The following ADGRL3 variants were observed in gnomAD, a reference collection of about 807,000 sequenced individuals.
The protein encoded by ADGRL3 is adhesion G protein-coupled receptor L3, also known as calcium-independent alpha-latrotoxin receptor 3.
A neutral mutation model predicts 153.5 loss-of-function variants in ADGRL3; 62 were observed. The ratio of observed to expected loss-of-function variants is 0.40; its 90% CI spans 0.33 to 0.50. ADGRL3 has a LOEUF of 0.50. Among genes scored for constraint, ADGRL3 ranks in the 20% least tolerant of loss-of-function variants. The probability of loss-of-function intolerance (pLI) is 0.47; values close to 1 mark genes in which losing one functional copy is unlikely to be tolerated. For synonymous variants in ADGRL3, 710 were observed against 672.5 expected, an observed-to-expected ratio of 1.06 and a Z score of -0.86; for missense variants, 1,641 against 1,859.4, an observed-to-expected ratio of 0.88 and a Z score of 2.16.
intron 21 of ADGRL3, among the ~76,000 whole-genome samples, chr4:62,013,597 C>T (rs2099197211): frequency 6.6e-6 from 1 of 151,472 alleles, no homozygotes; most frequent in Non-Finnish European, 1.5e-5. Context: ...TTTAACATGT[C>T]TTCAAAAAAC....
intron 25 of ADGRL3, among the ~76,000 whole-genome samples, chr4:62,059,086 G>T (rs748032300): frequency 5.9e-5 from 9 of 152,150 alleles, no homozygotes; most frequent in Non-Finnish European, 1.2e-4. Context: ...AGTGAATGTG[G>T]ACTGTAGGAA....
At chr4:61,677,974 A>T (rs562815233) in intron 6 of ADGRL3, among the ~76,000 whole-genome samples, 1 of 152,188 alleles carries the variant, frequency 6.6e-6, no homozygotes, top group South Asian at 2.1e-4. Flanking sequence ...AGCTTCATTT[A>T]TAGAATGAAT....
chr4:61,586,731 C>T (rs1285449135), intron 4 of ADGRL3, among the ~76,000 whole-genome samples: 1 of 152,020 alleles, frequency 6.6e-6, no homozygotes, highest in African/African-American at 2.4e-5. Flanking sequence ...ATTAGTTCTA[C>T]AGTGAACTCA....
chr4:62,007,121 G>A (rs934621142), intron 21 of ADGRL3, among the ~76,000 whole-genome samples: 1 of 151,494 alleles, frequency 6.6e-6, no homozygotes, highest in Non-Finnish European at 1.5e-5. Context: ...GCATTGAAAA[G>A]CAGGAAAGAA....
At chr4:61,450,252 C>T (rs2097657849) in intron 2 of ADGRL3, among the ~76,000 whole-genome samples, 1 of 152,106 alleles carries the variant, frequency 6.6e-6, no homozygotes, top group Non-Finnish European at 1.5e-5. Flanking sequence ...CTGTTAATTT[C>T]ACTATAGTTT....
intron 5 of ADGRL3, among the ~76,000 whole-genome samples, chr4:61,602,087 G>A (rs951706179): frequency 3.9e-5 from 4 of 103,672 alleles, no homozygotes; most frequent in Non-Finnish European, 7.3e-5. Context: ...ATAAATAAAC[G>A]CTTGATCCAT....
At chr4:61,918,111 C>T (rs773014734) in intron 13 of ADGRL3, among the ~76,000 whole-genome samples, 19 of 152,034 alleles carry the variant, frequency 1.2e-4, no homozygotes, top group South Asian at 1.0e-3. Flanking sequence ...CATATTAGTG[C>T]GGGATACTGA....
rs573517841 is a variant in ADGRL3, at chr4:61,895,239, G to A, written c.1784-492G>A. On this transcript the variant is annotated intron_variant, in intron 10 of 26. Coordinates refer to ENST00000683033, the MANE Select transcript of ADGRL3 (RefSeq NM_001387552.1). ...TCCCAGCACTTTGCGAGGCCAAGGC[G>A]GGCAGATCACGAGGTCAGGAGTTTG... is the stretch of plus-strand genomic sequence containing the variant. Among the ~76,000 whole-genome samples the A allele has an allele frequency of 6.8e-4, 104 of 152,202 alleles. 1 individual carries two copies. The highest frequency in any genetic ancestry group is 3.7e-4 in the Non-Finnish European group (25 of 68,016).
chr4:61,791,755 G>A (rs1028016669), intron 8 of ADGRL3, among the ~76,000 whole-genome samples: 1 of 152,206 alleles, frequency 6.6e-6, no homozygotes, highest in Non-Finnish European at 1.5e-5. Flanking sequence ...CTAGGTGGAG[G>A]TTCTCAAACC....
chr4:61,234,339 G>A (rs573880032), intron 1 of ADGRL3, among the ~76,000 whole-genome samples: 15 of 152,192 alleles, frequency 9.9e-5, no homozygotes, highest in East Asian at 5.8e-4. Flanking sequence ...ATCCGGTCTC[G>A]TGAGACTTAT....
chr4:61,830,601 G>A (rs915794334), intron 9 of ADGRL3, among the ~76,000 whole-genome samples: 2 of 152,046 alleles, frequency 1.3e-5, no homozygotes, highest in Admixed American at 6.6e-5. Flanking sequence ...TTAGAACTGG[G>A]GCAGTGATAA....
chr4:61,996,337 C>A lies in ADGRL3; in HGVS notation c.3283C>A (p.Pro1095Thr). The stretch of plus-strand genomic sequence containing the variant: ...CTACTTCATTTGGAGTTTTATAGGA[C>A]CAGCAACTTTGATAATTATGGTAAG... ...DTYFIWSFIGPATLIIMLNVI... is the reference protein window; with the variant it reads ...DTYFIWSFIGTATLIIMLNVI... The change falls in exon 20 of 27, where the codon CCA becomes ACA. Residue 1095 changes from proline (P) to threonine (T), a missense_variant. Around this residue, in one of 5 missense-constraint regions of ADGRL3, gnomAD observed 32 missense variants for 66.2 expected, o/e 0.48. Transcript: ENST00000683033. 1 of 1,611,990 alleles carries A rather than the reference C, an allele frequency of 6.2e-7. No homozygotes were observed.
chr4:61,596,245 TG>T (rs1183414416), intron 5 of ADGRL3, among the ~76,000 whole-genome samples: 1 of 152,216 alleles, frequency 6.6e-6, no homozygotes, highest in African/African-American at 2.4e-5. Context: ...CATCTTGCTC[TG>T]CCCCTTAGTT....
chr4:62,007,427 T>C (rs868541180), intron 21 of ADGRL3, among the ~76,000 whole-genome samples: 22 of 119,266 alleles, frequency 1.8e-4, no homozygotes, highest in South Asian at 4.9e-4. Flanking sequence ...TATATACACA[T>C]ATATATATAT....
At chr4:61,682,789 A>C (rs1374897440) in intron 6 of ADGRL3, among the ~76,000 whole-genome samples, 1 of 152,060 alleles carries the variant, frequency 6.6e-6, no homozygotes, top group African/African-American at 2.4e-5. Context: ...GTTATTCTCA[A>C]CTAGATTATA....
chr4:61,424,519 T>G (rs1284897767), intron 2 of ADGRL3, among the ~76,000 whole-genome samples: 1 of 152,060 alleles, frequency 6.6e-6, no homozygotes, highest in East Asian at 1.9e-4. Flanking sequence ...ATGCCCACCA[T>G]CTCTGTGGGG....
In ADGRL3 at chr4:61,361,987, T is replaced by C. The variant is rs568220992; in HGVS notation, c.-239-21137T>C. On this transcript the variant is annotated intron_variant, in intron 1 of 26. Transcript: ENST00000683033. ...AATGATATAATCATATATATAAAAA[T>C]ATATATATAAATACATATATTTTTT... 2.0e-3 allele frequency among the ~76,000 whole-genome samples: 293 copies of C among 148,808 alleles called. 1 individual carries two copies. The highest frequency in any genetic ancestry group is 6.7e-3 in the African/African-American group (275 of 40,882).
intron 4 of ADGRL3, among the ~76,000 whole-genome samples, chr4:61,580,465 AT>A (rs1425407890): frequency 6.6e-6 from 1 of 152,138 alleles, no homozygotes; most frequent in Non-Finnish European, 1.5e-5. Flanking sequence ...TTCAATATCT[AT>A]CTAACAGTTT....
intron 8 of ADGRL3, among the ~76,000 whole-genome samples, chr4:61,745,873 T>G (rs570284891): frequency 0.015 from 2,301 of 152,192 alleles, 69 homozygotes; most frequent in African/African-American, 0.051. Context: ...TAACTTTAAA[T>G]GTAAATGGAC....
Sources: gnomAD v4.1 joint callset for allele counts (sites outside exome capture counted in the v4.1 genomes callset) on GRCh38, gnomAD v4.1.1 for gene constraint, gnomAD v4.1.1 regional missense constraint, MANE v1.5 for transcripts, NCBI Gene and HGNC (gene_info 2026-07-23, HGNC 2026-07-21) for gene names.